The following AGPAT4 variants were observed in gnomAD, a reference collection of about 807,000 sequenced individuals.
AGPAT4 encodes 1-acylglycerol-3-phosphate O-acyltransferase 4.
Under a neutral mutation model 48.0 loss-of-function variants are expected in AGPAT4, and 15 were observed. The observed-to-expected ratio is 0.31, with a 90% CI of 0.21 to 0.48. AGPAT4 has a LOEUF of 0.48. Ranked by LOEUF, AGPAT4 falls within the 20% of genes least tolerant of loss-of-function variation. AGPAT4 has a pLI of 0.99. For missense variants in AGPAT4, 314 were observed against 482.5 expected, an observed-to-expected ratio of 0.65 and a Z score of 3.27; for synonymous variants, 178 against 198.7, an observed-to-expected ratio of 0.90 and a Z score of 0.88.
intron 1 of AGPAT4, among the ~76,000 whole-genome samples, chr6:161,256,594 T>C (rs1203635775): frequency 6.6e-6 from 1 of 152,168 alleles, no homozygotes; most frequent in Non-Finnish European, 1.5e-5. Flanking sequence ...CTTCCTCTGA[T>C]AGCCACACAG....
chr6:161,160,400 TC>T (rs1175190717), intron 3 of AGPAT4: 1 of 154,312 alleles, frequency 6.5e-6, no homozygotes, highest in Non-Finnish European at 1.4e-5. Flanking sequence ...TGTATGCTGT[TC>T]CACAATTAGT....
rs1219499398 is a variant in AGPAT4, at chr6:161,233,578, T to C, written c.-89-1276A>G. 6.6e-6 allele frequency among the ~76,000 whole-genome samples: 1 copy of C among 152,248 alleles called. No individual in the cohort carries two copies. Among genetic ancestry groups the C allele is most frequent in the Admixed American group, 6.5e-5 (1 of 15,286 alleles). On this transcript the variant is annotated intron_variant, in intron 1 of 8. Coordinates refer to ENST00000320285, the MANE Select transcript of AGPAT4 (RefSeq NM_020133.3). This position sits in a 1 kb window ranked among gnomAD's most constrained non-coding sequence, Gnocchi z 5.4. ...TCAGAGAAATTTTAATTCGAGGCCA[T>C]ACAACTCTTCTGTTTTTCACTTTCA...
In AGPAT4 at chr6:161,221,973, T is replaced by C. The variant is rs1387125083; in HGVS notation, c.178+10063A>G. Among the ~76,000 whole-genome samples, 1 of 152,224 alleles carries C rather than the reference T, an allele frequency of 6.6e-6. No homozygotes were observed. Among genetic ancestry groups the C allele is most frequent in the Non-Finnish European group, 1.5e-5 (1 of 68,048 alleles). Reference sequence around the variant, plus strand: ...TCACAAGCACTGGGCTTTCAACATCTTGGAAGGACATAATTCAGGTGTGAC... The same window carrying C: ...TCACAAGCACTGGGCTTTCAACATCCTGGAAGGACATAATTCAGGTGTGAC... On this transcript the variant is annotated intron_variant, in intron 2 of 8. Coordinates refer to ENST00000320285, the MANE Select transcript of AGPAT4 (RefSeq NM_020133.3). The surrounding 1 kb of genome is among the most constrained non-coding windows in gnomAD (Gnocchi z 4.5).
Position 161,132,169 on chromosome 6 carries a change from G to C in AGPAT4, c.*4371C>G, listed in dbSNP as rs950142792. On this transcript the variant is annotated 3_prime_UTR_variant, in exon 9 of 9. Transcript: ENST00000320285. Reference sequence around the variant, plus strand: ...CCCTTTGTCTGGCATGCACATTCAGGATGTGACTTCAGCTTCATTCATCCT... The same window carrying C: ...CCCTTTGTCTGGCATGCACATTCAGCATGTGACTTCAGCTTCATTCATCCT... The C allele has an allele frequency of 2.0e-5, 3 of 152,170 alleles. No homozygotes were observed. Among genetic ancestry groups the C allele is most frequent in the African/African-American group, 7.2e-5 (3 of 41,424 alleles). 9.4% of individuals were successfully genotyped at this position (152,170 alleles called of 1,614,324 possible).
Position 161,255,062 on chromosome 6 carries a change from A to G in AGPAT4, c.-90+18876T>C, listed in dbSNP as rs1782911466. 6.6e-6 allele frequency among the ~76,000 whole-genome samples: 1 copy of G among 152,150 alleles called. No individual in the cohort carries two copies. The highest frequency in any genetic ancestry group is 2.1e-4 in the South Asian group (1 of 4,822). On this transcript the variant is annotated intron_variant, in intron 1 of 8. Coordinates refer to ENST00000320285, the MANE Select transcript of AGPAT4 (RefSeq NM_020133.3). This position sits in a 1 kb window ranked among gnomAD's most constrained non-coding sequence, Gnocchi z 4.7. ...AGCCCTTCTGAAGCAAAGATACACTAAGTCTAGACAGGCCCTGGTTCCCTG... is the reference window on the plus strand; with the variant it reads ...AGCCCTTCTGAAGCAAAGATACACTGAGTCTAGACAGGCCCTGGTTCCCTG...
rs1037533146 is a variant in AGPAT4, at chr6:161,177,874, G to T, written c.179-11457C>A. The stretch of plus-strand genomic sequence containing the variant: ...TTTGTTAGTTTTCCTTCTAACAGTC[G>T]GAACCCTCAGCTGCAGGTCTGTTGG... On this transcript the variant is annotated intron_variant, in intron 2 of 8. Coordinates refer to ENST00000320285, the MANE Select transcript of AGPAT4 (RefSeq NM_020133.3). The surrounding 1 kb of genome is among the most constrained non-coding windows in gnomAD (Gnocchi z 5.0). Among the ~76,000 whole-genome samples, 1 of 152,140 alleles carries T rather than the reference G, an allele frequency of 6.6e-6. No individual in the cohort carries two copies. Among genetic ancestry groups the T allele is most frequent in the South Asian group, 2.1e-4 (1 of 4,816 alleles).
At chr6:161,168,565 C>T (rs1471061593) in intron 2 of AGPAT4, among the ~76,000 whole-genome samples, 3 of 152,186 alleles carry the variant, frequency 2.0e-5, no homozygotes, top group East Asian at 1.9e-4. Context: ...TGGTTCACCC[C>T]GACCTTAGCC....
At chr6:161,152,304 G>T (rs1477937470) in intron 5 of AGPAT4, among the ~76,000 whole-genome samples, 1 of 150,772 alleles carries the variant, frequency 6.6e-6, no homozygotes, top group Admixed American at 6.6e-5. Context: ...GGGCGAGGGG[G>T]CCAGGGGCAC....
At position 161,233,764 on chromosome 6, in the gene AGPAT4, T is replaced by C. The variant is rs190387788; in HGVS notation, c.-89-1462A>G. Among the ~76,000 whole-genome samples, 2 of 152,344 alleles carry C rather than the reference T, an allele frequency of 1.3e-5. No homozygotes were observed. Among genetic ancestry groups the C allele is most frequent in the Admixed American group, 1.3e-4 (2 of 15,304 alleles). On this transcript the variant is annotated intron_variant, in intron 1 of 8. Transcript: ENST00000320285. The surrounding 1 kb of genome is among the most constrained non-coding windows in gnomAD (Gnocchi z 5.4). ...TGTTTGGTAGGTGAGGTGCATGCAA[T>C]GCCTTTTTGACCTACAGTATTTTCA...
chr6:161,158,178 C>T lies in AGPAT4; in HGVS notation c.349-3868G>A, dbSNP rs545040788. Among the ~76,000 whole-genome samples the T allele has an allele frequency of 5.3e-5, 8 of 152,250 alleles. No individual in the cohort carries two copies. The South Asian group carries it at 1.7e-3, about 32-fold the overall frequency. ...GAGTCACTGTGCACAGACAGTTGCC[C>T]AAGTTAACTCACTTATGACAAAGAG... On this transcript the variant is annotated intron_variant, in intron 3 of 8. Transcript: ENST00000320285. The surrounding 1 kb of genome is among the most constrained non-coding windows in gnomAD (Gnocchi z 5.3).
chr6:161,190,404 T>C (rs1562331034), intron 2 of AGPAT4, among the ~76,000 whole-genome samples: 2 of 152,164 alleles, frequency 1.3e-5, no homozygotes, highest in Non-Finnish European at 2.9e-5. Context: ...AAATAGCCCA[T>C]TAATTTTTTA....
At chr6:161,258,319 T>C (rs1247376714) in intron 1 of AGPAT4, among the ~76,000 whole-genome samples, 2 of 152,196 alleles carry the variant, frequency 1.3e-5, no homozygotes, top group East Asian at 3.9e-4. Flanking sequence ...TCCTTTCCCA[T>C]TTGAAAACAA....
At position 161,161,587 on chromosome 6, in the gene AGPAT4, A is replaced by G. The variant is rs1266014827; in HGVS notation, c.348+4661T>C. Reference sequence around the variant, plus strand: ...AGCAGGGTGCAAGACCACCCTACAGAGCTGACAAAACCATGGCGGTGGGCA... The same window carrying G: ...AGCAGGGTGCAAGACCACCCTACAGGGCTGACAAAACCATGGCGGTGGGCA... On this transcript the variant is annotated intron_variant, in intron 3 of 8. Transcript: ENST00000320285. This position sits in a 1 kb window ranked among gnomAD's most constrained non-coding sequence, Gnocchi z 4.6. The G allele has an allele frequency of 2.4e-6, 1 of 421,532 alleles. No homozygotes were observed. The highest frequency in any genetic ancestry group is 2.5e-5 in the Admixed American group (1 of 39,670). 26.1% of individuals were successfully genotyped at this position (421,532 alleles called of 1,614,324 possible).
In AGPAT4 at chr6:161,272,393, T is replaced by G. The variant is rs551404174; in HGVS notation, c.-90+1545A>C. On this transcript the variant is annotated intron_variant, in intron 1 of 8. Transcript: ENST00000320285. The surrounding 1 kb of genome is among the most constrained non-coding windows in gnomAD (Gnocchi z 4.2). ...ATGAATGGGATTACTACTTATCTAT[T>G]TTATAAAAGCTAATTATTTGGGATG... is the stretch of plus-strand genomic sequence containing the variant. Among the ~76,000 whole-genome samples the G allele has an allele frequency of 5.9e-5, 9 of 152,322 alleles. No individual in the cohort carries two copies. The South Asian group carries it at 1.9e-3, about 32-fold the overall frequency.
chr6:161,247,432 G>A (rs540230815), intron 1 of AGPAT4, among the ~76,000 whole-genome samples: 50 of 152,028 alleles, frequency 3.3e-4, no homozygotes, highest in Non-Finnish European at 6.5e-4. Context: ...AATGCATAAA[G>A]CTTTCCCCTC....
chr6:161,176,677 G>C (rs1780438775), intron 2 of AGPAT4, among the ~76,000 whole-genome samples: 1 of 152,152 alleles, frequency 6.6e-6, no homozygotes, highest in Admixed American at 6.5e-5. Context: ...ATTTGATCCT[G>C]TCATTATGAT....
At position 161,164,458 on chromosome 6, in the gene AGPAT4, G is replaced by T. The variant is rs921931091; in HGVS notation, c.348+1790C>A. On this transcript the variant is annotated intron_variant, in intron 3 of 8. Transcript: ENST00000320285. This position sits in a 1 kb window ranked among gnomAD's most constrained non-coding sequence, Gnocchi z 7.4. Reference sequence around the variant, plus strand: ...ATCACGAGCCAGGAAGGTATTAGAAGCCTGGTCCTTACTGCAGCTGGTCTG... The same window carrying T: ...ATCACGAGCCAGGAAGGTATTAGAATCCTGGTCCTTACTGCAGCTGGTCTG... Among the ~76,000 whole-genome samples, 3 of 152,220 alleles carry T rather than the reference G, an allele frequency of 2.0e-5. No homozygotes were observed. Among genetic ancestry groups the T allele is most frequent in the African/African-American group, 7.2e-5 (3 of 41,450 alleles).
chr6:161,213,778 C>G (rs147493785), intron 2 of AGPAT4, among the ~76,000 whole-genome samples: 1 of 152,186 alleles, frequency 6.6e-6, no homozygotes, highest in African/African-American at 2.4e-5. Flanking sequence ...CATAGAATAA[C>G]CTTATAAAAA....
At chr6:161,153,314 G>A (rs201504912) in intron 5 of AGPAT4, 32 bp downstream of exon 5, 518 of 1,584,384 alleles carry the variant, frequency 3.3e-4, no homozygotes, top group East Asian at 1.8e-3. Flanking sequence ...TCGCTGCCAC[G>A]GGGAGGCCCA....
Sources: allele counts gnomAD v4.1 joint callset (sites outside exome capture counted in the v4.1 genomes callset), GRCh38; gene constraint gnomAD v4.1.1; non-coding constraint Gnocchi (gnomAD v3.1); transcripts MANE v1.5; gene names NCBI Gene and HGNC (gene_info 2026-07-23, HGNC 2026-07-21).